Variants in FRMPD2 observed in about 807,000 individuals in gnomAD.
FRMPD2 encodes the protein FERM and PDZ domain-containing protein 2.
A neutral mutation model predicts 140.1 loss-of-function variants in FRMPD2; 96 were observed. The ratio of observed to expected loss-of-function variants is 0.69; its 90% CI spans 0.58 to 0.81. The LOEUF is 0.81. Among genes scored for constraint, FRMPD2 ranks in the 40% least tolerant of loss-of-function variants. The probability of loss-of-function intolerance (pLI) is 0.00; values close to 1 mark genes in which losing one functional copy is unlikely to be tolerated. For missense variants in FRMPD2, 1,240 were observed against 1,447.4 expected (o/e 0.86, Z 2.32); for synonymous variants, 449 against 547.6 (o/e 0.82, Z 2.52).
chr10:48,177,510 T>C (rs568160645), intron 22 of FRMPD2: 2 of 155,748 alleles, frequency 1.3e-5, no homozygotes, highest in Admixed American at 6.2e-5. Context: ...CCCCAACCCC[T>C]TGGGTAAACA....
At chr10:48,182,441 C>A (rs536414837) in intron 20 of FRMPD2, among the ~76,000 whole-genome samples, 1 of 152,338 alleles carries the variant, frequency 6.6e-6, no homozygotes, top group African/African-American at 2.4e-5. Flanking sequence ...GACAGATGCT[C>A]ATGATGGACA....
chr10:48,218,352 C>T (rs547425695), intron 12 of FRMPD2, among the ~76,000 whole-genome samples: 1 of 152,334 alleles, frequency 6.6e-6, no homozygotes, highest in South Asian at 2.1e-4. Flanking sequence ...TTTAGGTAAA[C>T]ATGGCTCCTT....
chr10:48,203,595 A>G (rs1343584313), intron 14 of FRMPD2, among the ~76,000 whole-genome samples: 4 of 152,082 alleles, frequency 2.6e-5, no homozygotes, highest in African/African-American at 9.7e-5. Context: ...TACCATTTTG[A>G]ATATTTTCAT....
chr10:48,159,869 A>G (rs1237114923), intron 28 of FRMPD2, among the ~76,000 whole-genome samples: 2 of 151,686 alleles, frequency 1.3e-5, no homozygotes, highest in East Asian at 3.9e-4. Flanking sequence ...TGAAGTGCAC[A>G]TGAGTGGGAG....
chr10:48,224,876 C>T (rs1839688847), intron 10 of FRMPD2, among the ~76,000 whole-genome samples: 1 of 152,202 alleles, frequency 6.6e-6, no homozygotes, highest in Non-Finnish European at 1.5e-5. Context: ...CCTAAAGACA[C>T]CTGTATTCAC....
chr10:48,227,157 CA>C (rs1485718862), intron 10 of FRMPD2, among the ~76,000 whole-genome samples: 1 of 152,160 alleles, frequency 6.6e-6, no homozygotes, highest in African/African-American at 2.4e-5. Flanking sequence ...AGGAGAAAAA[CA>C]TTTGTAAGGT....
chr10:48,252,146 T>C (rs73296348), intron 1 of FRMPD2, among the ~76,000 whole-genome samples: 7,893 of 152,114 alleles, frequency 0.052, 668 homozygotes, highest in African/African-American at 0.18. Flanking sequence ...CTGCCACATG[T>C]AGAGTCAGAT....
chr10:48,226,559 C>T (rs1839725469), intron 10 of FRMPD2, among the ~76,000 whole-genome samples: 3 of 152,150 alleles, frequency 2.0e-5, no homozygotes, highest in Admixed American at 2.0e-4. Context: ...GCAAATTGGC[C>T]ACTTTGACCC....
intron 15 of FRMPD2, among the ~76,000 whole-genome samples, chr10:48,195,570 G>A (rs1050671295): frequency 6.6e-6 from 1 of 152,116 alleles, no homozygotes; most frequent in Non-Finnish European, 1.5e-5. Context: ...TGGCACTTGG[G>A]AAAACAGCAG....
intron 1 of FRMPD2, among the ~76,000 whole-genome samples, chr10:48,271,419 C>A (rs1255926182): frequency 6.6e-6 from 1 of 152,214 alleles, no homozygotes; most frequent in Non-Finnish European, 1.5e-5. Flanking sequence ...TCCAGCCAGA[C>A]ACTGTTTAAC....
intron 19 of FRMPD2, 44 bp downstream of exon 19, chr10:48,184,730 G>A: frequency 6.3e-7 from 1 of 1,596,276 alleles, no homozygotes; most frequent in Admixed American, 1.7e-5. Flanking sequence ...ATAAAAAAGA[G>A]TGGTTTCTTA....
At chr10:48,217,445 C>T (rs1398219546) in intron 12 of FRMPD2, among the ~76,000 whole-genome samples, 1 of 152,154 alleles carries the variant, frequency 6.6e-6, no homozygotes, top group Non-Finnish European at 1.5e-5. Context: ...TGAAGCTGTA[C>T]CGGGAGGAAA....
chr10:48,272,547 A>T (rs1414942684), intron 1 of FRMPD2, among the ~76,000 whole-genome samples: 7 of 152,238 alleles, frequency 4.6e-5, no homozygotes, highest in Non-Finnish European at 1.0e-4. Context: ...GCTGGTGCAC[A>T]GCCCTTCCAC....
rs141085682 is a variant in FRMPD2 at position 48,244,954 on chromosome 10, T to C, written c.310-105A>G. 1.3e-3 allele frequency: 1,181 copies of C among 880,452 alleles called. 9 individuals are homozygous for C. The African/African-American group carries it at 0.017, about 12-fold the overall frequency. The allele number at this position is 880,452 out of a possible 1,614,324, so 54.5% of individuals were successfully genotyped here. On this transcript the variant is annotated intron_variant, in intron 3 of 28. Transcript: ENST00000374201. Reference sequence around the variant, plus strand: ...TTCCACATGAACAGACACTGTTGTCTGGCGAGTCTAGCACCATCTGCAACT... The same window carrying C: ...TTCCACATGAACAGACACTGTTGTCCGGCGAGTCTAGCACCATCTGCAACT...
intron 1 of FRMPD2, among the ~76,000 whole-genome samples, chr10:48,271,175 C>T (rs1840760032): frequency 6.6e-6 from 1 of 152,106 alleles, no homozygotes; most frequent in African/African-American, 2.4e-5. Flanking sequence ...GGCCTTTTTC[C>T]AGCCTTAGAC....
chr10:48,249,055 C>T lies in FRMPD2; in HGVS notation c.275G>A (p.Gly92Glu), dbSNP rs1248557124. The T allele has an allele frequency of 1.2e-6, 2 of 1,613,618 alleles. No individual in the cohort carries two copies. The highest frequency in any genetic ancestry group is 2.2e-5 in the South Asian group (2 of 91,012). Residue 92 changes from glycine (G) to glutamate (E), a missense_variant, in exon 3 of 29, where the codon GGA becomes GAA. Transcript: ENST00000374201. ...APFKAPELLQ[G>E]QSEDEQPDAS... ...ATCAGGCTGCTCATCCTCACTCTGT[C>T]CCTGTAGCAGTTCAGGGGCCTTGAA...
At chr10:48,189,875 C>A (rs1024122759) in intron 16 of FRMPD2, among the ~76,000 whole-genome samples, 1 of 152,188 alleles carries the variant, frequency 6.6e-6, no homozygotes, top group Non-Finnish European at 1.5e-5. Flanking sequence ...GGGCAGTCAC[C>A]ACAGACCAAC....
chr10:48,206,830 A>G lies in FRMPD2; in HGVS notation c.1715T>C (p.Val572Ala), dbSNP rs761735008. Reference protein sequence around the residue: ...EMALGICAKGVIVYEVKNNSR... With the variant: ...EMALGICAKGAIVYEVKNNSR... ...GTTGTTTTTCACTTCATAGACTATG[A>G]CACCCTTGGCACAGATCCCCAGGGC... The change falls in exon 14 of 29, where the codon GTC becomes GCC. Residue 572 changes from valine (V) to alanine (A), a missense_variant. By Grantham distance (64) the Val-to-Ala change is moderately conservative. Transcript: ENST00000374201. 4 of 1,614,064 alleles carry G rather than the reference A, an allele frequency of 2.5e-6. No individual in the cohort carries two copies. In the South Asian group the frequency reaches 4.4e-5, roughly 18 times the overall value.
At chr10:48,263,158 A>G (rs924238456) in intron 1 of FRMPD2, among the ~76,000 whole-genome samples, 2 of 152,220 alleles carry the variant, frequency 1.3e-5, no homozygotes, top group African/African-American at 4.8e-5. Context: ...GTGAGATGCA[A>G]TGAAGGAAGT....
Sources: allele counts gnomAD v4.1 joint callset (sites outside exome capture counted in the v4.1 genomes callset), GRCh38; gene constraint gnomAD v4.1.1; transcripts MANE v1.5; gene names NCBI Gene and HGNC (gene_info 2026-07-23, HGNC 2026-07-21).